NEK2: variants seen among roughly 807,000 people sequenced by gnomAD.
The protein encoded by NEK2 is serine/threonine-protein kinase Nek2.
NEK2 carries 28 observed loss-of-function variants against 54.1 expected under a neutral mutation model. The ratio of observed to expected loss-of-function variants is 0.52; its 90% CI spans 0.38 to 0.71. The LOEUF (loss-of-function observed/expected upper bound fraction) is 0.71. Ranked by LOEUF, NEK2 falls within the 30% of genes least tolerant of loss-of-function variation. The pLI is 0.00. For synonymous variants in NEK2, 176 were observed against 193.1 expected, an observed-to-expected ratio of 0.91 and a Z score of 0.73; for missense variants, 407 against 531.5, an observed-to-expected ratio of 0.77 and a Z score of 2.30.
At chr1:211,674,181 G>A in intron 2 of NEK2, 115 bp downstream of exon 2, 1 of 815,382 alleles carries the variant, frequency 1.2e-6, no homozygotes, top group South Asian at 1.9e-5. Flanking sequence ...AAGTACTGTG[G>A]ACCTACCAAA....
At chr1:211,667,336 T>C (rs1014726738) in intron 6 of NEK2, 105 bp from the exon 7 acceptor site, 4 of 1,066,614 alleles carry the variant, frequency 3.8e-6, no homozygotes, top group Non-Finnish European at 2.6e-6. Context: ...CTGATACTGA[T>C]AAGCAATGTT....
chr1:211,673,505 C>A lies in NEK2; in HGVS notation c.533G>T (p.Gly178Val). The change falls in exon 3 of 8, where the codon GGC becomes GTC. Residue 178 changes from glycine to valine, a missense_variant. By Grantham distance (109) the Gly-to-Val change is moderately radical. Transcript: ENST00000366999. ...TACAGGAGACATGTAATAAGGTGTG[C>A]CAACAAATGTTTTTGCAAAACTCGT... ...HDTSFAKTFV[G>V]TPYYMSPEQM... 6.2e-7 allele frequency: 1 copy of A among 1,613,960 alleles called. No homozygotes were observed. The highest frequency in any genetic ancestry group is 8.5e-7 in the Non-Finnish European group (1 of 1,179,868).
At chr1:211,660,510 A>G (rs1411270283), downstream of NEK2, 1 of 649,900 alleles carries the variant, frequency 1.5e-6, no homozygotes, top group South Asian at 1.4e-5. Context: ...TGGAGTCCCC[A>G]AAGAGGTCAA....
At chr1:211,670,554 G>C in intron 4 of NEK2, 147 bp from the exon 5 acceptor site, 1 of 938,332 alleles carries the variant, frequency 1.1e-6, no homozygotes, top group Non-Finnish European at 1.6e-6. Flanking sequence ...TTATAAGTAA[G>C]TTTCCCAACC....
chr1:211,675,476 G>T lies in NEK2; in HGVS notation c.4C>A (p.Pro2Thr). 1 of 1,612,628 alleles carries T rather than the reference G, an allele frequency of 6.2e-7. No homozygotes were observed. Among genetic ancestry groups the T allele is most frequent in the Non-Finnish European group, 8.5e-7 (1 of 1,179,464 alleles). The change falls in exon 1 of 8, where the codon CCT becomes ACT. Residue 2 changes from proline (P) to threonine (T), a missense_variant. Transcript: ENST00000366999. ...ACTTCATAGTCCTCAGCCCGGGAAGGCATGGCCGGCCAGTCGCCAGAGTCG... is the reference window on the plus strand; with the variant it reads ...ACTTCATAGTCCTCAGCCCGGGAAGTCATGGCCGGCCAGTCGCCAGAGTCG... M[P>T]SRAEDYEVLY...
intron 5 of NEK2, 31 bp from the exon 6 acceptor site, chr1:211,669,363 G>C: frequency 1.3e-6 from 2 of 1,576,078 alleles, no homozygotes; most frequent in Non-Finnish European, 1.7e-6. Context: ...ATTATAGTCA[G>C]ATTGCATAAC....
At position 211,663,470 on chromosome 1, in the gene NEK2, T is replaced by C; in HGVS notation, c.1294A>G (p.Lys432Glu). 1 of 1,613,864 alleles carries C rather than the reference T, an allele frequency of 6.2e-7. No individual in the cohort carries two copies. The change falls in exon 8 of 8, where the codon AAA becomes GAA. Residue 432 changes from lysine to glutamate, a missense_variant. Physicochemically the swap from Lys to Glu is moderately conservative, Grantham distance 56. Transcript: ENST00000366999. ...TGTCTGCTTTTCAGTTGGTAATTTTTCTCAATATCTGACAGGGCTTGAGCC... is the reference window on the plus strand; with the variant it reads ...TGTCTGCTTTTCAGTTGGTAATTTTCCTCAATATCTGACAGGGCTTGAGCC... The part of the protein sequence containing the change: ...LRAQALSDIE[K>E]NYQLKSRQIL...
chr1:211,662,890 C>A lies in NEK2; in HGVS notation c.*536G>T. ...TACAAACATCACAGTGATGAATTTT[C>A]ACAAAGCTAACAGATTTGAACTACA... On this transcript the variant is annotated 3_prime_UTR_variant, in exon 8 of 8. Transcript: ENST00000366999. This position sits in a 1 kb window ranked among gnomAD's most constrained non-coding sequence, Gnocchi z 4.2. 1.0e-6 allele frequency: 1 copy of A among 985,178 alleles called. No individual in the cohort carries two copies. Among genetic ancestry groups the A allele is most frequent in the Non-Finnish European group, 1.2e-6 (1 of 829,872 alleles). 61.0% of individuals were successfully genotyped at this position (985,178 alleles called of 1,614,324 possible). A position where few individuals can be genotyped will look rare whatever the true frequency, so the allele number is the denominator to read the frequency against.
Position 211,671,240 on chromosome 1 carries a change from C to G in NEK2, c.600G>C (p.Trp200Cys). The change falls in exon 4 of 8, where the codon TGG (tryptophan) becomes TGC (cysteine). Residue 200 changes from tryptophan to cysteine, a missense_variant. Transcript: ENST00000366999. The part of the protein sequence containing the change: ...RMSYNEKSDI[W>C]SLGCLLYELC... ...ACTCATACAGCAAGCAGCCCAATGA[C>G]CAGATATCTGATTTCTCATTGTAGG... 1 of 1,613,620 alleles carries G rather than the reference C, an allele frequency of 6.2e-7. No individual in the cohort carries two copies. The highest frequency in any genetic ancestry group is 8.5e-7 in the Non-Finnish European group (1 of 1,179,610).
intron 7 of NEK2, among the ~76,000 whole-genome samples, chr1:211,664,062 GTTTTTTT>G (rs10710484): frequency 7.2e-6 from 1 of 139,094 alleles, no homozygotes; most frequent in Non-Finnish European, 1.6e-5. Flanking sequence ...TTCTGTCTTT[GTTTTTTT>G]TTTTTTTTTT....
chr1:211,663,487 G>A lies in NEK2; in HGVS notation c.1277C>T (p.Ala426Val), dbSNP rs767783429. The A allele has an allele frequency of 1.2e-6, 2 of 1,613,896 alleles. No individual in the cohort carries two copies. Among genetic ancestry groups the A allele is most frequent in the South Asian group, 2.2e-5 (2 of 91,056 alleles). The stretch of plus-strand genomic sequence containing the variant: ...GTAATTTTTCTCAATATCTGACAGG[G>A]CTTGAGCCCGCAGCTGGGCAGCGTG... ...RLHAAQLRAQ[A>V]LSDIEKNYQL... is the part of the protein sequence containing the mutation. Residue 426 changes from alanine (A) to valine (V), a missense_variant, in exon 8 of 8, where the codon GCC becomes GTC. Physicochemically the swap from Ala to Val is moderately conservative, Grantham distance 64. Coordinates refer to ENST00000366999, the MANE Select transcript of NEK2 (RefSeq NM_002497.4).
At chr1:211,671,328 T>G (rs887462041) in intron 3 of NEK2, 44 bp from the exon 4 acceptor site, 20 of 1,441,226 alleles carry the variant, frequency 1.4e-5, no homozygotes, top group Non-Finnish European at 1.9e-5. Context: ...TGTTAAGAGT[T>G]TATTTTGTTT....
At chr1:211,673,769 T>C in intron 2 of NEK2, 46 bp from the exon 3 acceptor site, 2 of 1,585,456 alleles carry the variant, frequency 1.3e-6, no homozygotes, top group Non-Finnish European at 1.7e-6. Flanking sequence ...AAAAAAATCA[T>C]TGCCAAGATG....
Position 211,670,401 on chromosome 1 carries a change from T to C in NEK2, c.645A>G (p.Pro215=), listed in dbSNP as rs753020284. Residue 215 remains proline (P), a synonymous_variant, in exon 5 of 8, where the codon CCA becomes CCG. Coordinates refer to ENST00000366999, the MANE Select transcript of NEK2 (RefSeq NM_002497.4). ...LLYELCALMP[P]FTAFSQKELA... ...GTTCTTTCTGGCTAAAAGCTGTAAA[T>C]GGAGGCCTAGGGTTAAAAAAGAAGA... 6 of 1,612,808 alleles carry C rather than the reference T, an allele frequency of 3.7e-6. No individual in the cohort carries two copies. In the South Asian group the frequency reaches 4.4e-5, roughly 12 times the overall value.
chr1:211,669,408 A>G (rs1020001740), intron 5 of NEK2, 76 bp from the exon 6 acceptor site: 3 of 1,343,876 alleles, frequency 2.2e-6, no homozygotes, highest in Non-Finnish European at 2.1e-6. Context: ...TTAAAATAAA[A>G]GGACAAAAAT....
chr1:211,671,631 C>T (rs939330579), intron 3 of NEK2, among the ~76,000 whole-genome samples: 1 of 152,224 alleles, frequency 6.6e-6, no homozygotes, highest in Non-Finnish European at 1.5e-5. Context: ...AAATATGTAT[C>T]TAGTCCACAT....
At chr1:211,665,571 C>T (rs933886421) in intron 7 of NEK2, among the ~76,000 whole-genome samples, 8 of 152,122 alleles carry the variant, frequency 5.3e-5, no homozygotes, top group African/African-American at 1.9e-4. Flanking sequence ...AAAATTTTCT[C>T]CTCATTTTAT....
downstream of NEK2, chr1:211,660,175 T>A: frequency 3.9e-6 from 1 of 259,476 alleles, no homozygotes. Flanking sequence ...CTCCCTGCCC[T>A]TGCAGTCTCT....
chr1:211,663,621 CTTAA>C lies in NEK2; in HGVS notation c.1139_1142del (p.Ile380ArgfsTer15). Reference sequence around the variant, plus strand: ...TTTCCCCACTGAAATGAACTTTCTTCTTAATTACTGAGGATGGAAGATTAAGAAG... The same window carrying C: ...TTTCCCCACTGAAATGAACTTTCTTCTTACTGAGGATGGAAGATTAAGAAG... On this transcript the variant is annotated frameshift_variant, in exon 8 of 8. Coordinates refer to ENST00000366999, the MANE Select transcript of NEK2 (RefSeq NM_002497.4). LOFTEE classifies it high-confidence loss of function. 3.1e-6 allele frequency: 5 copies of C among 1,613,712 alleles called. No homozygotes were observed. Among genetic ancestry groups the C allele is most frequent in the Non-Finnish European group, 4.2e-6 (5 of 1,179,808 alleles).
Sources: allele counts gnomAD v4.1 joint callset (sites outside exome capture counted in the v4.1 genomes callset), GRCh38; gene constraint gnomAD v4.1.1; non-coding constraint Gnocchi (gnomAD v3.1); transcripts MANE v1.5; gene names NCBI Gene and HGNC (gene_info 2026-07-23, HGNC 2026-07-21).